The following MYO6 variants were observed in gnomAD, a reference collection of about 807,000 sequenced individuals.
MYO6 encodes unconventional myosin-VI.
In MYO6, 74 loss-of-function variants were observed where a neutral mutation model predicts 178.7. The observed-to-expected ratio is 0.41, with a 90% confidence interval of 0.34 to 0.50. The LOEUF (loss-of-function observed/expected upper bound fraction) is 0.50. MYO6 is among the 20% of genes least tolerant of loss of function. The pLI, the probability that MYO6 is intolerant of heterozygous loss-of-function variation, is 0.09. For synonymous variants in MYO6, 477 were observed against 504.6 expected (o/e 0.95, Z 0.73); for missense variants, 1,330 against 1,547.4 (o/e 0.86, Z 2.36).
intron 17 of MYO6, 93 bp from the exon 18 acceptor site, chr6:75,866,839 T>A: frequency 2.2e-6 from 3 of 1,378,114 alleles, no homozygotes; most frequent in South Asian, 1.2e-5. Context: ...ACAGAACATT[T>A]CTGTCATCAC....
chr6:75,902,676 C>T (rs368905083), intron 30 of MYO6, among the ~76,000 whole-genome samples: 4 of 151,540 alleles, frequency 2.6e-5, no homozygotes, highest in African/African-American at 7.3e-5. Flanking sequence ...CAAAAAACCA[C>T]CTCCTGGATT....
intron 1 of MYO6, among the ~76,000 whole-genome samples, chr6:75,752,574 C>T (rs1776992517): frequency 6.6e-6 from 1 of 152,184 alleles, no homozygotes; most frequent in South Asian, 2.1e-4. Context: ...GCCTTGGTTT[C>T]AGTTCACTTG....
intron 1 of MYO6, among the ~76,000 whole-genome samples, chr6:75,775,630 A>G (rs1016119384): frequency 1.3e-5 from 2 of 152,216 alleles, no homozygotes; most frequent in Admixed American, 6.5e-5. Flanking sequence ...GGAGGTGTAT[A>G]TGACCTATAA....
intron 16 of MYO6, among the ~76,000 whole-genome samples, chr6:75,862,960 A>G (rs1034134229): frequency 6.6e-6 from 1 of 152,152 alleles, no homozygotes; most frequent in Non-Finnish European, 1.5e-5. Flanking sequence ...AATACGTACA[A>G]TGTGCCTGTA....
intron 1 of MYO6, among the ~76,000 whole-genome samples, chr6:75,763,494 C>G (rs1037846700): frequency 1.3e-5 from 2 of 152,092 alleles, no homozygotes; most frequent in Non-Finnish European, 2.9e-5. Context: ...TAGCTAAATA[C>G]ATATTTGATA....
chr6:75,789,559 C>G (rs1221459319), intron 1 of MYO6, among the ~76,000 whole-genome samples: 1 of 152,016 alleles, frequency 6.6e-6, no homozygotes, highest in Non-Finnish European at 1.5e-5. Context: ...GCCCCTCCCT[C>G]TCCACCTCTT....
chr6:75,820,640 G>C (rs1190830665), intron 2 of MYO6, among the ~76,000 whole-genome samples: 1 of 152,018 alleles, frequency 6.6e-6, no homozygotes, highest in Non-Finnish European at 1.5e-5. Flanking sequence ...CAAAGTACAG[G>C]GACTACAGGT....
At chr6:75,816,070 A>G (rs1562199030) in intron 1 of MYO6, among the ~76,000 whole-genome samples, 1 of 152,234 alleles carries the variant, frequency 6.6e-6, no homozygotes. Context: ...TACAGGGGTA[A>G]TGGAAAAATT....
intron 1 of MYO6, among the ~76,000 whole-genome samples, chr6:75,758,886 T>C: frequency 6.6e-6 from 1 of 151,978 alleles, no homozygotes. Context: ...TTTTTTTTTT[T>C]TGAGATGTAG....
intron 7 of MYO6, among the ~76,000 whole-genome samples, chr6:75,837,839 C>T (rs1056745640): frequency 6.6e-6 from 1 of 151,874 alleles, no homozygotes; most frequent in Admixed American, 6.6e-5. Flanking sequence ...GCGAGGGAGT[C>T]GTTCTTAAAA....
At chr6:75,860,998 A>G (rs773061861) in intron 14 of MYO6, 25 bp from the exon 15 acceptor site, 23 of 1,482,850 alleles carry the variant, frequency 1.6e-5, no homozygotes, top group Non-Finnish European at 2.1e-5. Flanking sequence ...TGCTGTATCT[A>G]TGATTATGAT....
rs1777542934 is a variant in MYO6 at position 75,757,381 on chromosome 6, A to ATATG, written c.-48+7959_-48+7960insATGT. 2.7e-5 allele frequency among the ~76,000 whole-genome samples: 4 copies of ATATG among 149,160 alleles called. No individual in the cohort carries two copies. The South Asian group carries it at 8.4e-4, about 31-fold the overall frequency. ...AGTCTGTGTGTGTGTGTGTATATATATGTATACACATATATATACACACAC... is the reference window on the plus strand; with the variant it reads ...AGTCTGTGTGTGTGTGTGTATATATATATGTGTATACACATATATATACACACAC... On this transcript the variant is annotated intron_variant, in intron 1 of 34. Transcript: ENST00000369977.
At chr6:75,819,969 A>G (rs1215179119) in intron 2 of MYO6, among the ~76,000 whole-genome samples, 1 of 152,160 alleles carries the variant, frequency 6.6e-6, no homozygotes, top group African/African-American at 2.4e-5. Context: ...CACTTAAGCC[A>G]GCAGGTCAAG....
chr6:75,860,954 C>A, intron 14 of MYO6, 69 bp from the exon 15 acceptor site: 2 of 1,159,194 alleles, frequency 1.7e-6, no homozygotes, highest in Non-Finnish European at 2.6e-6. Flanking sequence ...ATGTTATGTT[C>A]AGAAACAGTG....
chr6:75,808,009 T>G (rs767746751), intron 1 of MYO6, among the ~76,000 whole-genome samples: 9 of 152,248 alleles, frequency 5.9e-5, no homozygotes, highest in South Asian at 4.1e-4. Flanking sequence ...TCTGAAAGGT[T>G]GCCTCGTCTT....
chr6:75,800,168 A>T (rs1045472495), intron 1 of MYO6, among the ~76,000 whole-genome samples: 1 of 151,826 alleles, frequency 6.6e-6, no homozygotes, highest in South Asian at 2.1e-4. Flanking sequence ...TCCAGACTCT[A>T]CTCTCCCCAA....
chr6:75,844,825 A>G (rs1159357784), intron 9 of MYO6, 72 bp from the exon 10 acceptor site: 3 of 1,215,460 alleles, frequency 2.5e-6, no homozygotes, highest in Non-Finnish European at 3.7e-6. Context: ...CTATTTGGTA[A>G]GTTGTGTTTT....
intron 2 of MYO6, among the ~76,000 whole-genome samples, chr6:75,822,286 C>G (rs1158044882): frequency 6.6e-6 from 1 of 151,918 alleles, no homozygotes; most frequent in Non-Finnish European, 1.5e-5. Context: ...TTAGTAGAGA[C>G]GGAGTTCTAC....
At chr6:75,812,737 T>C (rs1229647973) in intron 1 of MYO6, among the ~76,000 whole-genome samples, 1 of 152,186 alleles carries the variant, frequency 6.6e-6, no homozygotes, top group African/African-American at 2.4e-5. Flanking sequence ...TCATTTAATG[T>C]AATGACCTCC....
Sources: gnomAD v4.1 joint callset for allele counts (sites outside exome capture counted in the v4.1 genomes callset) on GRCh38, gnomAD v4.1.1 for gene constraint, MANE v1.5 for transcripts, NCBI Gene and HGNC (gene_info 2026-07-23, HGNC 2026-07-21) for gene names.